Variants in PAK3 observed in about 807,000 individuals in gnomAD.
The protein encoded by PAK3 is serine/threonine-protein kinase PAK 3.
Under a neutral mutation model 41.0 loss-of-function variants are expected in PAK3, and 4 were observed. That is an observed-to-expected ratio of 0.10 (90% CI 0.05 to 0.22). The LOEUF (loss-of-function observed/expected upper bound fraction) is 0.22, where lower values mean the gene tolerates loss of function less well. Ranked by LOEUF, PAK3 falls within the 10% of genes least tolerant of loss-of-function variation. The probability of loss-of-function intolerance (pLI) is 1.00; values close to 1 mark genes in which losing one functional copy is unlikely to be tolerated. For synonymous variants in PAK3, 146 were observed against 139.6 expected, an observed-to-expected ratio of 1.05 and a Z score of -0.32; for missense variants, 205 against 409.9, an observed-to-expected ratio of 0.50 and a Z score of 4.32.
At chrX:110,957,137 C>T (rs1030537864) in intron 1 of PAK3, among the ~76,000 whole-genome samples, 13 of 112,216 alleles carry the variant, frequency 1.2e-4, no homozygotes, top group Admixed American at 4.7e-4. Flanking sequence ...TATTATTGTT[C>T]CTGCTACTTT....
At chrX:111,217,812 C>A (rs2149401668) in intron 17 of PAK3, 1 of 116,143 alleles carries the variant, frequency 8.6e-6, no homozygotes, top group East Asian at 2.8e-4. Flanking sequence ...CCCACCACTC[C>A]ACATACACAT....
chrX:110,965,458 T>C lies in PAK3; in HGVS notation c.-28+20830T>C, dbSNP rs779519429. ...GCAAGAGAAGGGCAGCTGGCTGACA[T>C]TGTCCCCTTCCTCCTTTGCTCAGCC... On this transcript the variant is annotated intron_variant, in intron 1 of 14. Coordinates refer to the PAK3 transcript ENST00000425146. Among the ~76,000 whole-genome samples, 6 of 112,182 alleles carry C rather than the reference T, an allele frequency of 5.3e-5. No homozygotes were observed. In the South Asian group the frequency reaches 2.3e-3, roughly 42 times the overall value.
intron 2 of PAK3, 48 bp downstream of exon 2, chrX:111,097,504 A>G (rs1373382675): frequency 9.2e-6 from 1 of 109,117 alleles, no homozygotes; most frequent in Non-Finnish European, 1.9e-5. Context: ...TTGCAGTGCT[A>G]TTTTTAAAAA....
chrX:111,041,572 A>G (rs947716077), intron 1 of PAK3, among the ~76,000 whole-genome samples: 3 of 111,462 alleles, frequency 2.7e-5, no homozygotes, highest in African/African-American at 9.8e-5. Context: ...TCCTTTTTTC[A>G]GAAGCTGTAG....
chrX:111,099,158 C>T (rs1173201877), intron 3 of PAK3, among the ~76,000 whole-genome samples: 1 of 112,683 alleles, frequency 8.9e-6, no homozygotes, highest in South Asian at 3.7e-4. Context: ...GTGTGGCAGT[C>T]TATTTCCATT....
intron 1 of PAK3, among the ~76,000 whole-genome samples, chrX:111,020,985 C>G (rs1045754929): frequency 4.5e-5 from 5 of 111,308 alleles, no homozygotes; most frequent in Non-Finnish European, 9.4e-5. Flanking sequence ...CCCCATCCCC[C>G]ACAGCAGCCA....
At position 111,123,060 on chromosome X, in the gene PAK3, T is replaced by C. The variant is rs748437986; in HGVS notation, c.-27-17T>C. Reference sequence around the variant, plus strand: ...CTCTTCTCCCTCAACTCCTTTTTTTTCCCTCCTTTTCTTTAGGAGCTGTGA... The same window carrying C: ...CTCTTCTCCCTCAACTCCTTTTTTTCCCCTCCTTTTCTTTAGGAGCTGTGA... On this transcript the variant is annotated splice_polypyrimidine_tract_variant and intron_variant, in intron 4 of 17. Transcript: ENST00000372007. 1.7e-5 allele frequency: 18 copies of C among 1,050,416 alleles called. No individual in the cohort carries two copies. In the South Asian group the frequency reaches 2.6e-4, roughly 15 times the overall value. 86.6% of individuals were successfully genotyped at this position (1,050,416 alleles called of 1,213,427 possible). A position where few individuals can be genotyped will look rare whatever the true frequency, so the allele number is the denominator to read the frequency against.
At chrX:110,977,731 T>C (rs915932911) in intron 1 of PAK3, among the ~76,000 whole-genome samples, 2 of 112,238 alleles carry the variant, frequency 1.8e-5, no homozygotes, top group African/African-American at 3.2e-5. Flanking sequence ...ATAAAATTGA[T>C]ATTTTGTATA....
chrX:111,020,887 T>C (rs2092167977), intron 1 of PAK3, among the ~76,000 whole-genome samples: 1 of 110,792 alleles, frequency 9.0e-6, no homozygotes, highest in African/African-American at 3.3e-5. Flanking sequence ...CTGCCAGCTT[T>C]CCACCACTTC....
intron 10 of PAK3, among the ~76,000 whole-genome samples, chrX:111,166,792 C>T (rs1389625838): frequency 8.9e-6 from 1 of 111,936 alleles, no homozygotes; most frequent in African/African-American, 3.2e-5. Flanking sequence ...AATATAAAAA[C>T]CTCAGCAGCA....
intron 1 of PAK3, among the ~76,000 whole-genome samples, chrX:111,064,817 G>T (rs1294247168): frequency 8.9e-6 from 1 of 112,218 alleles, no homozygotes; most frequent in South Asian, 3.7e-4. Flanking sequence ...ACCCAGTAAT[G>T]GGAGTGCTGG....
chrX:111,068,582 G>A (rs746825962), intron 1 of PAK3, among the ~76,000 whole-genome samples: 30 of 112,957 alleles, frequency 2.7e-4, no homozygotes, highest in East Asian at 8.3e-4. Flanking sequence ...GATTGCAGGC[G>A]TGAGCCACTG....
chrX:111,070,250 GGACAACAGCTGAATTTGATC>G (rs1569299999), intron 1 of PAK3, among the ~76,000 whole-genome samples: 1 of 5,073 alleles, frequency 2.0e-4, no homozygotes, highest in Non-Finnish European at 6.8e-3. Context: ...TCATTTATAT[GGACAACAGCTGAATTTGATC>G]ATTTATATGG....
intron 1 of PAK3, among the ~76,000 whole-genome samples, chrX:111,011,787 T>G (rs759899740): frequency 5.4e-5 from 6 of 112,014 alleles, no homozygotes; most frequent in Non-Finnish European, 9.4e-5. Context: ...CCATAGGGGA[T>G]TTTGCTGTTT....
At chrX:111,156,616 G>C (rs1485779860) in intron 8 of PAK3, among the ~76,000 whole-genome samples, 1 of 111,945 alleles carries the variant, frequency 8.9e-6, no homozygotes, top group Non-Finnish European at 1.9e-5. Flanking sequence ...TAATGGGTCT[G>C]ACAACCCCTT....
intron 1 of PAK3, among the ~76,000 whole-genome samples, chrX:110,990,930 C>A (rs948797015): frequency 9.0e-6 from 1 of 110,536 alleles, no homozygotes; most frequent in African/African-American, 3.3e-5. Flanking sequence ...GAGTTCGAGA[C>A]CAGCCATTGG....
chrX:111,054,783 C>T (rs939193103), intron 1 of PAK3, among the ~76,000 whole-genome samples: 2 of 111,462 alleles, frequency 1.8e-5, no homozygotes, highest in African/African-American at 3.3e-5. Flanking sequence ...CCTTCCTCTG[C>T]AAACCCCCTG....
In PAK3 at chrX:111,223,353, G is replaced by A. The variant is rs185661201; in HGVS notation, c.*2906G>A. The A allele has an allele frequency of 1.2e-4, 13 of 108,646 alleles. No homozygotes were observed. The highest frequency in any genetic ancestry group is 1.5e-4 in the Non-Finnish European group (8 of 52,450). The allele number at this position is 108,646 out of a possible 1,213,427, so 9.0% of individuals were successfully genotyped here. ...AATGTTGTTAGCAAGGATCCAGTGC[G>A]TTGTCATAATCCCATGAGGATTTTC... On this transcript the variant is annotated 3_prime_UTR_variant, in exon 18 of 18. Coordinates refer to ENST00000372007, the MANE Select transcript of PAK3 (RefSeq NM_002578.5).
At chrX:111,120,556 T>C (rs1375462991) in intron 4 of PAK3, among the ~76,000 whole-genome samples, 1 of 111,827 alleles carries the variant, frequency 8.9e-6, no homozygotes, top group African/African-American at 3.2e-5. Context: ...ACTTGTCTTA[T>C]CACGCAAGAT....
Sources: gnomAD v4.1 joint callset for allele counts (sites outside exome capture counted in the v4.1 genomes callset) on GRCh38, gnomAD v4.1.1 for gene constraint, MANE v1.5 for transcripts, NCBI Gene and HGNC (gene_info 2026-07-23, HGNC 2026-07-21) for gene names.